Variants in PLXDC2 observed in about 807,000 individuals in gnomAD.
PLXDC2 encodes the protein plexin domain containing 2, also known as plexin domain-containing protein 2.
A neutral mutation model predicts 68.9 loss-of-function variants in PLXDC2; 40 were observed. The ratio of observed to expected loss-of-function variants is 0.58; its 90% CI spans 0.45 to 0.76. The LOEUF is 0.76. Among genes scored for constraint, PLXDC2 ranks in the 30% least tolerant of loss-of-function variants. The pLI is 0.00. For synonymous variants in PLXDC2, 243 were observed against 234.2 expected (o/e 1.04, Z -0.34); for missense variants, 644 against 661.9 (o/e 0.97, Z 0.30).
intron 6 of PLXDC2, among the ~76,000 whole-genome samples, chr10:20,149,686 C>T (rs1244859973): frequency 6.6e-6 from 1 of 152,134 alleles, no homozygotes; most frequent in African/African-American, 2.4e-5. Flanking sequence ...GTTTTCCATT[C>T]CTGCATTAGT....
chr10:19,832,566 A>T (rs1180002476), intron 1 of PLXDC2, among the ~76,000 whole-genome samples: 2 of 152,238 alleles, frequency 1.3e-5, no homozygotes, highest in African/African-American at 4.8e-5. Flanking sequence ...AATTTGCATA[A>T]TTTTTATATT....
In PLXDC2 at chr10:20,136,362, G is replaced by A. The variant is rs1833933162; in HGVS notation, c.542-6933G>A. On this transcript the variant is annotated intron_variant, in intron 4 of 13. Coordinates refer to ENST00000377252, the MANE Select transcript of PLXDC2 (RefSeq NM_032812.9). ...TTGTTAAAAAATCTGACAAGTATTT[G>A]TATTAAAGAAGGTAGTTTATAGTAT... 3.9e-5 allele frequency among the ~76,000 whole-genome samples: 6 copies of A among 152,160 alleles called. 1 individual carries two copies. The highest frequency in any genetic ancestry group is 3.9e-4 in the Admixed American group (6 of 15,272).
intron 2 of PLXDC2, among the ~76,000 whole-genome samples, chr10:20,019,519 T>A (rs963524292): frequency 1.3e-5 from 2 of 152,174 alleles, no homozygotes; most frequent in African/African-American, 4.8e-5. Flanking sequence ...TGTGACTGTA[T>A]ATAGAGATAG....
chr10:19,872,999 T>G (rs937169474), intron 1 of PLXDC2, among the ~76,000 whole-genome samples: 4 of 152,178 alleles, frequency 2.6e-5, no homozygotes, highest in Non-Finnish European at 5.9e-5. Context: ...ACAGAACAGT[T>G]TGACTATTGG....
chr10:20,259,770 A>G (rs1835786463), intron 13 of PLXDC2, among the ~76,000 whole-genome samples: 2 of 152,338 alleles, frequency 1.3e-5, no homozygotes, highest in South Asian at 4.1e-4. Flanking sequence ...AGGTGAGTAC[A>G]GGGGACCTGT....
At chr10:19,849,082 A>T (rs1311541538) in intron 1 of PLXDC2, among the ~76,000 whole-genome samples, 3 of 152,132 alleles carry the variant, frequency 2.0e-5, no homozygotes, top group Non-Finnish European at 4.4e-5. Context: ...ATTTAATCAT[A>T]GGGATTTGTG....
At chr10:20,219,253 G>T in intron 12 of PLXDC2, 151 bp downstream of exon 12, 11 of 812,190 alleles carry the variant, frequency 1.4e-5, no homozygotes, top group Non-Finnish European at 2.0e-5. Context: ...GGAGTCAGTG[G>T]GTTGGCTTGA....
At chr10:19,886,664 TATC>T (rs761620321) in intron 1 of PLXDC2, among the ~76,000 whole-genome samples, 15 of 152,148 alleles carry the variant, frequency 9.9e-5, no homozygotes, top group Non-Finnish European at 1.9e-4. Context: ...CCACAGCCAA[TATC>T]ATACTGAATG....
intron 2 of PLXDC2, among the ~76,000 whole-genome samples, chr10:20,027,859 G>A (rs1001287171): frequency 6.6e-6 from 1 of 152,110 alleles, no homozygotes; most frequent in East Asian, 1.9e-4. Flanking sequence ...GAGAAATCTG[G>A]ACACAGCCTA....
chr10:20,011,467 T>C (rs1451799613), intron 2 of PLXDC2, among the ~76,000 whole-genome samples: 1 of 152,182 alleles, frequency 6.6e-6, no homozygotes, highest in African/African-American at 2.4e-5. Flanking sequence ...AAAAACGTCA[T>C]CCACCAGCGC....
intron 2 of PLXDC2, among the ~76,000 whole-genome samples, chr10:20,022,075 T>C (rs1016277693): frequency 3.9e-5 from 6 of 152,206 alleles, no homozygotes; most frequent in African/African-American, 1.4e-4. Context: ...CGGAACTGTA[T>C]TGTAGCAGCA....
intron 1 of PLXDC2, among the ~76,000 whole-genome samples, chr10:19,824,526 T>C (rs1324246991): frequency 6.6e-6 from 1 of 152,218 alleles, no homozygotes; most frequent in Non-Finnish European, 1.5e-5. Flanking sequence ...GAGCACATTT[T>C]CCCAAAGCTG....
At chr10:19,842,909 T>G (rs1448527221) in intron 1 of PLXDC2, among the ~76,000 whole-genome samples, 1 of 152,222 alleles carries the variant, frequency 6.6e-6, no homozygotes, top group Non-Finnish European at 1.5e-5. Context: ...TAAACAAATC[T>G]GACAGGAGTA....
At chr10:19,971,683 C>T (rs1834356122) in intron 1 of PLXDC2, among the ~76,000 whole-genome samples, 1 of 152,122 alleles carries the variant, frequency 6.6e-6, no homozygotes, top group African/African-American at 2.4e-5. Context: ...TTCTGCTTAT[C>T]ATGTGTTTTT....
Position 20,280,097 on chromosome 10 carries a change from T to C in PLXDC2, c.*278T>C, listed in dbSNP as rs1254000231. On this transcript the variant is annotated 3_prime_UTR_variant, in exon 14 of 14. Coordinates refer to ENST00000377252, the MANE Select transcript of PLXDC2 (RefSeq NM_032812.9). ...ACATCTCCCGTGGACTTATCTGAAG[T>C]ATGACAAGATTATAATGCTTTTGGC... 4 of 311,984 alleles carry C rather than the reference T, an allele frequency of 1.3e-5. No individual in the cohort carries two copies. The highest frequency in any genetic ancestry group is 2.3e-5 in the Non-Finnish European group (4 of 170,308). 19.3% of individuals were successfully genotyped at this position (311,984 alleles called of 1,614,324 possible).
At chr10:20,075,839 T>C (rs1836434030) in intron 4 of PLXDC2, among the ~76,000 whole-genome samples, 1 of 152,136 alleles carries the variant, frequency 6.6e-6, no homozygotes, top group Non-Finnish European at 1.5e-5. Context: ...GTGAAAAACA[T>C]GGTCTCCAGG....
chr10:20,142,175 G>A (rs533299156), intron 4 of PLXDC2, among the ~76,000 whole-genome samples: 6 of 152,218 alleles, frequency 3.9e-5, no homozygotes, highest in Admixed American at 2.0e-4. Context: ...ACCATAAAAT[G>A]AGTGATCAAA....
At chr10:19,945,270 G>A (rs561450272) in intron 1 of PLXDC2, among the ~76,000 whole-genome samples, 1 of 152,176 alleles carries the variant, frequency 6.6e-6, no homozygotes, top group South Asian at 2.1e-4. Context: ...CCTAGTAACT[G>A]TAATGTGGCT....
At chr10:20,253,850 A>G (rs1289164701) in intron 13 of PLXDC2, among the ~76,000 whole-genome samples, 2 of 152,212 alleles carry the variant, frequency 1.3e-5, no homozygotes, top group Non-Finnish European at 2.9e-5. Context: ...GGTGATTCAT[A>G]TCACTCTTGT....
Sources: gnomAD v4.1 joint callset for allele counts (sites outside exome capture counted in the v4.1 genomes callset) on GRCh38, gnomAD v4.1.1 for gene constraint, MANE v1.5 for transcripts, NCBI Gene and HGNC (gene_info 2026-07-23, HGNC 2026-07-21) for gene names.